KLF12: variants seen among roughly 807,000 people sequenced by gnomAD.
KLF12 encodes the protein Krueppel-like factor 12.
In KLF12, 9 loss-of-function variants were observed where a neutral mutation model predicts 37.8. The ratio of observed to expected loss-of-function variants is 0.24; its 90% CI spans 0.14 to 0.42. The LOEUF (loss-of-function observed/expected upper bound fraction) is 0.42. Among genes scored for constraint, KLF12 ranks in the 10% least tolerant of loss-of-function variants. KLF12 has a pLI of 1.00. For missense variants in KLF12, 411 were observed against 516.0 expected (o/e 0.80, Z 1.97); for synonymous variants, 208 against 202.1 (o/e 1.03, Z -0.25).
intron 1 of KLF12, among the ~76,000 whole-genome samples, chr13:74,039,851 TAACAC>T (rs1893355115): frequency 6.6e-6 from 1 of 152,236 alleles, no homozygotes; most frequent in Admixed American, 6.5e-5. Context: ...GTCTGACACA[TAACAC>T]TGTCCTGTCA....
upstream of KLF12, among the ~76,000 whole-genome samples, chr13:74,136,689 A>G (rs1377430582): frequency 1.3e-5 from 2 of 152,180 alleles, no homozygotes; most frequent in Admixed American, 6.5e-5. Context: ...GATGAAAGAT[A>G]GAAAACAAAC....
intron 5 of KLF12, among the ~76,000 whole-genome samples, chr13:73,797,564 T>A (rs897520229): frequency 6.6e-6 from 1 of 151,990 alleles, no homozygotes; most frequent in African/African-American, 2.4e-5. Flanking sequence ...GAGGCCACGA[T>A]TTCGAGACCA....
intron 6 of KLF12, among the ~76,000 whole-genome samples, chr13:73,751,693 C>T (rs1878766160): frequency 1.3e-5 from 2 of 152,176 alleles, no homozygotes; most frequent in Admixed American, 1.3e-4. Context: ...ATAAATGGCT[C>T]TTCCAATGCT....
At chr13:74,174,134 T>C in the KLF12 span, among the ~76,000 whole-genome samples, 1 of 152,100 alleles carries the variant, frequency 6.6e-6, no homozygotes, top group Admixed American at 6.6e-5. Context: ...TTTAAAACAA[T>C]AACCTCAGGT....
At chr13:74,288,543 C>T in the KLF12 span, among the ~76,000 whole-genome samples, 2 of 152,186 alleles carry the variant, frequency 1.3e-5, no homozygotes, top group Admixed American at 6.5e-5. Context: ...AACTTCTGCA[C>T]TCCTCTCAAC....
intron 1 of KLF12, among the ~76,000 whole-genome samples, chr13:74,130,235 G>A (rs907253048): frequency 2.0e-5 from 3 of 152,168 alleles, no homozygotes; most frequent in South Asian, 2.1e-4. Flanking sequence ...ATTGCAGGCC[G>A]AAAAACAAGT....
At chr13:74,022,160 A>G (rs938379940) in intron 1 of KLF12, among the ~76,000 whole-genome samples, 1 of 152,194 alleles carries the variant, frequency 6.6e-6, no homozygotes, top group African/African-American at 2.4e-5. Flanking sequence ...GTACAGCATC[A>G]GAGGTATTAA....
intron 2 of KLF12, among the ~76,000 whole-genome samples, chr13:73,993,167 G>C (rs972975422): frequency 2.0e-5 from 3 of 152,210 alleles, no homozygotes; most frequent in Admixed American, 6.5e-5. Flanking sequence ...AGAAGGCAGA[G>C]GTTGCAGTAA....
At position 73,701,235 on chromosome 13, in the gene KLF12, G is replaced by A. The variant is rs140628918; in HGVS notation, c.1028-5564C>T. On this transcript the variant is annotated intron_variant, in intron 7 of 7. Coordinates refer to ENST00000377669, the MANE Select transcript of KLF12 (RefSeq NM_007249.5). ...CACCTGGGCGACTCTGCATCAGGTT[G>A]AGCAGTGGTGATCAGAAACTTGATT... Among the ~76,000 whole-genome samples the A allele has an allele frequency of 2.6e-5, 4 of 152,282 alleles. No individual in the cohort carries two copies. In the East Asian group the frequency reaches 7.7e-4, roughly 29 times the overall value.
the KLF12 span, among the ~76,000 whole-genome samples, chr13:74,179,794 G>A: frequency 2.3e-4 from 35 of 152,212 alleles, no homozygotes; most frequent in Non-Finnish European, 4.3e-4. Context: ...ACTCTAAATT[G>A]CTTTAATATG....
intron 1 of KLF12, among the ~76,000 whole-genome samples, chr13:74,114,817 C>G (rs1877194213): frequency 6.6e-6 from 1 of 152,158 alleles, no homozygotes; most frequent in Admixed American, 6.5e-5. Context: ...TCCCTCTAAT[C>G]CTCCACTCCC....
the KLF12 span, among the ~76,000 whole-genome samples, chr13:74,185,732 C>T: frequency 0.016 from 2,448 of 150,686 alleles, 53 homozygotes; most frequent in African/African-American, 0.056. Context: ...CTGCAACCTC[C>T]ACCTCCCAGG....
At chr13:74,076,323 A>G (rs1039267004) in intron 1 of KLF12, among the ~76,000 whole-genome samples, 1 of 152,244 alleles carries the variant, frequency 6.6e-6, no homozygotes, top group East Asian at 1.9e-4. Flanking sequence ...TAGGTAATTT[A>G]TAAAGTAGAG....
At chr13:73,812,611 A>G (rs1319771743) in intron 5 of KLF12, among the ~76,000 whole-genome samples, 1 of 152,140 alleles carries the variant, frequency 6.6e-6, no homozygotes, top group Non-Finnish European at 1.5e-5. Flanking sequence ...TGACTGATAG[A>G]AAAGCAGCTA....
the KLF12 span, among the ~76,000 whole-genome samples, chr13:74,245,527 T>C: frequency 6.6e-6 from 1 of 152,190 alleles, no homozygotes; most frequent in East Asian, 1.9e-4. Flanking sequence ...GTTAACATTG[T>C]AAATGAATTT....
chr13:73,774,212 CAAT>C (rs972630912), intron 5 of KLF12, among the ~76,000 whole-genome samples: 3 of 150,944 alleles, frequency 2.0e-5, no homozygotes, highest in Non-Finnish European at 4.4e-5. Context: ...TGTGTTGCTG[CAAT>C]AATTTGGAAA....
chr13:74,279,196 G>C, the KLF12 span, among the ~76,000 whole-genome samples: 1 of 152,222 alleles, frequency 6.6e-6, no homozygotes, highest in East Asian at 1.9e-4. Context: ...ACAGCACTGG[G>C]ATATTAAACC....
chr13:73,738,293 C>T (rs972089658), intron 6 of KLF12, among the ~76,000 whole-genome samples: 13 of 139,224 alleles, frequency 9.3e-5, no homozygotes, highest in Admixed American at 8.6e-4. Context: ...TACAGGTGCC[C>T]ACCACCACGC....
chr13:74,084,541 C>T (rs1342346925), intron 1 of KLF12, among the ~76,000 whole-genome samples: 1 of 152,192 alleles, frequency 6.6e-6, no homozygotes, highest in Non-Finnish European at 1.5e-5. Context: ...TTAATAATCA[C>T]TAGAATGTAT....
Sources: allele counts gnomAD v4.1 joint callset (sites outside exome capture counted in the v4.1 genomes callset), GRCh38; gene constraint gnomAD v4.1.1; transcripts MANE v1.5; gene names NCBI Gene and HGNC (gene_info 2026-07-23, HGNC 2026-07-21).